PTPRD: variants seen among roughly 807,000 people sequenced by gnomAD.
PTPRD encodes protein tyrosine phosphatase receptor type D.
Under a neutral mutation model 214.5 loss-of-function variants are expected in PTPRD, and 34 were observed. That is an observed-to-expected ratio of 0.16 (90% CI 0.12 to 0.21). The LOEUF (loss-of-function observed/expected upper bound fraction) is 0.21, where lower values mean the gene tolerates loss of function less well. PTPRD is among the 10% of genes least tolerant of loss of function. The pLI, the probability that PTPRD is intolerant of heterozygous loss-of-function variation, is 1.00. For synonymous variants in PTPRD, 1,128 were observed against 845.7 expected, an observed-to-expected ratio of 1.33 and a Z score of -5.79; for missense variants, 2,545 against 2,398.7, an observed-to-expected ratio of 1.06 and a Z score of -1.27.
At chr9:8,975,111 A>AAAG (rs2099261249) in intron 11 of PTPRD, among the ~76,000 whole-genome samples, 3 of 151,746 alleles carry the variant, frequency 2.0e-5, no homozygotes. Context: ...AAAAAAAAAA[A>AAAG]AAAGATTTTC....
rs2097123843 is a variant in PTPRD at position 9,683,994 on chromosome 9, G to A, written c.-287+50539C>T. Among the ~76,000 whole-genome samples the A allele has an allele frequency of 2.0e-5, 3 of 151,554 alleles. No homozygotes were observed. The Admixed American group carries it at 2.0e-4, about 10-fold the overall frequency. ...GCCAAAACACGCTCTGAAAATGACAGTGAGGGCTTCTTTGTAGCCTAAAGA... is the reference window on the plus strand; with the variant it reads ...GCCAAAACACGCTCTGAAAATGACAATGAGGGCTTCTTTGTAGCCTAAAGA... On this transcript the variant is annotated intron_variant, in intron 7 of 45. Coordinates refer to ENST00000381196, the MANE Select transcript of PTPRD (RefSeq NM_002839.4).
intron 3 of PTPRD, among the ~76,000 whole-genome samples, chr9:10,064,887 G>C (rs560174478): frequency 1.4e-4 from 21 of 151,888 alleles, no homozygotes; most frequent in Non-Finnish European, 2.6e-4. Context: ...TTATGGCCTT[G>C]GCCAGTGTCT....
intron 2 of PTPRD, among the ~76,000 whole-genome samples, chr9:10,548,829 C>CA (rs1462402101): frequency 6.6e-6 from 1 of 152,086 alleles, no homozygotes; most frequent in African/African-American, 2.4e-5. Flanking sequence ...ATAAAGTCTC[C>CA]ATGGGGGAAA....
chr9:9,646,316 T>G (rs76209958), intron 7 of PTPRD, among the ~76,000 whole-genome samples: 12 of 142,176 alleles, frequency 8.4e-5, no homozygotes, highest in Admixed American at 2.1e-4. Flanking sequence ...TGTGTGTGTG[T>G]GGGTGTGTGT....
At chr9:9,776,056 A>G (rs2821499) in intron 5 of PTPRD, among the ~76,000 whole-genome samples, 71,311 of 151,146 alleles carry the variant, frequency 0.47, 17,205 homozygotes, top group East Asian at 0.7. Flanking sequence ...AGCACTTTCT[A>G]GTAAAAGATT....
intron 9 of PTPRD, among the ~76,000 whole-genome samples, chr9:9,322,817 G>A (rs1427902124): frequency 6.6e-6 from 1 of 152,078 alleles, no homozygotes; most frequent in African/African-American, 2.4e-5. Flanking sequence ...TACTATACTG[G>A]CATGTAAGCA....
intron 3 of PTPRD, among the ~76,000 whole-genome samples, chr9:10,078,258 A>T (rs2154186478): frequency 6.6e-6 from 1 of 151,722 alleles, no homozygotes; most frequent in East Asian, 2.0e-4. Flanking sequence ...TACGCATGTA[A>T]TCCCAGCACT....
At chr9:10,436,283 T>C (rs144436452) in intron 2 of PTPRD, among the ~76,000 whole-genome samples, 1,626 of 151,918 alleles carry the variant, frequency 0.011, 15 homozygotes, top group Non-Finnish European at 0.013. Flanking sequence ...CACACATATA[T>C]AAATCACATA....
chr9:10,101,850 C>A (rs2154214606), intron 3 of PTPRD, among the ~76,000 whole-genome samples: 1 of 151,670 alleles, frequency 6.6e-6, no homozygotes, highest in Non-Finnish European at 1.5e-5. Context: ...ATTGCAAATC[C>A]ATTCTGGGGA....
At chr9:9,221,098 T>C (rs2099955698) in intron 9 of PTPRD, among the ~76,000 whole-genome samples, 2 of 152,102 alleles carry the variant, frequency 1.3e-5, no homozygotes, top group Non-Finnish European at 2.9e-5. Flanking sequence ...CAGGTACAAC[T>C]TTTTTCAAGT....
intron 2 of PTPRD, among the ~76,000 whole-genome samples, chr9:10,420,905 T>A (rs2098539543): frequency 1.3e-5 from 2 of 151,800 alleles, no homozygotes; most frequent in Admixed American, 1.3e-4. Context: ...CACATTTTGC[T>A]ACTGTTACAG....
intron 4 of PTPRD, among the ~76,000 whole-genome samples, chr9:10,015,598 T>C (rs554111808): frequency 3.9e-5 from 6 of 152,232 alleles, no homozygotes; most frequent in African/African-American, 1.4e-4. Flanking sequence ...AACTTTAAAA[T>C]GGGGATCACT....
At chr9:8,392,873 G>C (rs906503190) in intron 36 of PTPRD, among the ~76,000 whole-genome samples, 1 of 151,912 alleles carries the variant, frequency 6.6e-6, no homozygotes, top group Non-Finnish European at 1.5e-5. Context: ...AAAGATGAAG[G>C]AGAAAAAATT....
intron 8 of PTPRD, among the ~76,000 whole-genome samples, chr9:9,542,616 A>C (rs1399618356): frequency 2.0e-5 from 3 of 151,770 alleles, no homozygotes; most frequent in Non-Finnish European, 4.4e-5. Context: ...ACAAATCAAT[A>C]ATATAAACAC....
At chr9:9,176,203 G>A (rs921287908) in intron 10 of PTPRD, among the ~76,000 whole-genome samples, 2 of 152,136 alleles carry the variant, frequency 1.3e-5, no homozygotes, top group Non-Finnish European at 1.5e-5. Flanking sequence ...AATTGTTCTG[G>A]TTCTACACTC....
chr9:9,375,114 T>C (rs2060447062), intron 9 of PTPRD, among the ~76,000 whole-genome samples: 1 of 152,116 alleles, frequency 6.6e-6, no homozygotes, highest in Non-Finnish European at 1.5e-5. Context: ...GGCACATGTG[T>C]TTCAAACAAA....
At chr9:10,545,007 T>G (rs1176505219) in intron 2 of PTPRD, among the ~76,000 whole-genome samples, 1 of 152,220 alleles carries the variant, frequency 6.6e-6, no homozygotes, top group Non-Finnish European at 1.5e-5. Context: ...TTAACTTTTA[T>G]AAGTTTAAGT....
chr9:9,386,514 T>C (rs1184671319), intron 9 of PTPRD, among the ~76,000 whole-genome samples: 2 of 152,294 alleles, frequency 1.3e-5, no homozygotes, highest in East Asian at 3.9e-4. Flanking sequence ...TTGGTAATGA[T>C]TAAGTCTTCC....
At chr9:8,339,070 T>TTAAAC (rs776700545) in intron 42 of PTPRD, 23 bp from the exon 43 acceptor site, 3 of 1,605,512 alleles carry the variant, frequency 1.9e-6, no homozygotes, top group East Asian at 2.2e-5. Flanking sequence ...AAGATTAATG[T>TTAAAC]TAAACTATGC....
Sources: gnomAD v4.1 joint callset for allele counts (sites outside exome capture counted in the v4.1 genomes callset) on GRCh38, gnomAD v4.1.1 for gene constraint, MANE v1.5 for transcripts, NCBI Gene and HGNC (gene_info 2026-07-23, HGNC 2026-07-21) for gene names.